The following ARHGEF10L variants were observed in gnomAD, a reference collection of about 807,000 sequenced individuals.
The protein encoded by ARHGEF10L is Rho guanine nucleotide exchange factor 10 like.
ARHGEF10L carries 69 observed loss-of-function variants against 141.2 expected under a neutral mutation model. The ratio of observed to expected loss-of-function variants is 0.49; its 90% CI spans 0.40 to 0.60. ARHGEF10L has a LOEUF of 0.60. Ranked by LOEUF, ARHGEF10L falls within the 20% of genes least tolerant of loss-of-function variation. ARHGEF10L has a pLI of 0.00. For synonymous variants in ARHGEF10L, 711 were observed against 718.5 expected, an observed-to-expected ratio of 0.99 and a Z score of 0.17; for missense variants, 1,482 against 1,734.3, an observed-to-expected ratio of 0.85 and a Z score of 2.58.
rs374037954 is a variant in ARHGEF10L at position 17,611,359 on chromosome 1, T to A, written c.610-1699T>A. On this transcript the variant is annotated intron_variant, in intron 7 of 28. Transcript: ENST00000361221. ...CTTCTTTGCATAACAATATTGAACA[T>A]TTGCCTAGAATGGTACACTTTACAA... Among the ~76,000 whole-genome samples the A allele has an allele frequency of 7.4e-4, 112 of 152,316 alleles. 2 individuals carry two copies. The South Asian group carries it at 0.022, about 30-fold the overall frequency.
At chr1:17,579,952 G>A (rs1422074701) in intron 1 of ARHGEF10L, among the ~76,000 whole-genome samples, 2 of 152,234 alleles carry the variant, frequency 1.3e-5, no homozygotes, top group African/African-American at 4.8e-5. Flanking sequence ...TTGGGATTCT[G>A]TCCCTGTCTT....
chr1:17,528,986 T>C, the ARHGEF10L span, among the ~76,000 whole-genome samples: 1 of 152,048 alleles, frequency 6.6e-6, no homozygotes, highest in African/African-American at 2.4e-5. Flanking sequence ...ATATAGATGA[T>C]GATGATTAAG....
intron 4 of ARHGEF10L, among the ~76,000 whole-genome samples, chr1:17,590,856 C>T (rs987956149): frequency 1.3e-5 from 2 of 152,076 alleles, no homozygotes; most frequent in African/African-American, 2.4e-5. Context: ...TCCTGGTGAA[C>T]GGTGCCTGTA....
In ARHGEF10L at chr1:17,607,299, A is replaced by C. The variant is rs2081266902; in HGVS notation, c.434-503A>C. ...AGACCAGCCTGGGCAACATAACAAG[A>C]CTCCGTCTCTACAAAAAATTAAAAA... On this transcript the variant is annotated intron_variant, in intron 6 of 28. Transcript: ENST00000361221. The surrounding 1 kb of genome is among the most constrained non-coding windows in gnomAD (Gnocchi z 4.5). Among the ~76,000 whole-genome samples, 1 of 151,822 alleles carries C rather than the reference A, an allele frequency of 6.6e-6. No homozygotes were observed. Among genetic ancestry groups the C allele is most frequent in the Non-Finnish European group, 1.5e-5 (1 of 67,956 alleles).
In ARHGEF10L at chr1:17,684,048, G is replaced by C. The variant is rs375723545; in HGVS notation, c.3010-3525G>C. On this transcript the variant is annotated intron_variant, in intron 26 of 28. Coordinates refer to ENST00000361221, the MANE Select transcript of ARHGEF10L (RefSeq NM_018125.4). ...CCGTGAGCAAGGAGCTGCGTGCTGT[G>C]TTTTGGAAAAGCCTGCAGACAAAGC... Among the ~76,000 whole-genome samples the C allele has an allele frequency of 2.0e-4, 30 of 152,350 alleles. 2 individuals are homozygous for C. In the East Asian group the frequency reaches 3.1e-3, roughly 16 times the overall value.
In ARHGEF10L at chr1:17,573,400, G is replaced by A. The variant is rs1471530967; in HGVS notation, c.-43-7153G>A. ...TCTCTGGCTTCCAGGTGGGAGCCAC[G>A]GTGCCCCATCACAGGGACACCCCTG... is the stretch of plus-strand genomic sequence containing the variant. On this transcript the variant is annotated intron_variant, in intron 1 of 28. Coordinates refer to ENST00000361221, the MANE Select transcript of ARHGEF10L (RefSeq NM_018125.4). This position sits in a 1 kb window ranked among gnomAD's most constrained non-coding sequence, Gnocchi z 4.8. Among the ~76,000 whole-genome samples, 3 of 152,188 alleles carry A rather than the reference G, an allele frequency of 2.0e-5. No individual in the cohort carries two copies. Among genetic ancestry groups the A allele is most frequent in the South Asian group, 2.1e-4 (1 of 4,832 alleles).
Position 17,613,134 on chromosome 1 carries a change from G to A in ARHGEF10L, c.686G>A (p.Gly229Glu), listed in dbSNP as rs143745706. The A allele has an allele frequency of 2.1e-3, 3,339 of 1,613,850 alleles. 8 individuals are homozygous for A. The highest frequency in any genetic ancestry group is 2.6e-3 in the Non-Finnish European group (3,043 of 1,179,894). The change falls in exon 8 of 29, where the codon GGG (glycine) becomes GAG (glutamate). Residue 229 changes from glycine (G) to glutamate (E), a missense_variant. Transcript: ENST00000361221. ...GACATCTTGGCTTTGAGAGTTGGGG[G>A]GAGAGACATGCAGGAGCTGAAGCAC... ...KRDILALRVG[G>E]RDMQELKHKY...
At chr1:17,675,255 C>T (rs72648451) in intron 26 of ARHGEF10L, among the ~76,000 whole-genome samples, 9,342 of 152,308 alleles carry the variant, frequency 0.061, 458 homozygotes, top group Non-Finnish European at 0.091. Context: ...GCAGTTCTCA[C>T]AGCCTATGTG....
At chr1:17,602,895 G>A (rs1005567519) in intron 5 of ARHGEF10L, among the ~76,000 whole-genome samples, 3 of 152,098 alleles carry the variant, frequency 2.0e-5, no homozygotes, top group East Asian at 1.9e-4. Flanking sequence ...GGAGGCTATC[G>A]TGGTCTTGTA....
In ARHGEF10L at chr1:17,580,637, C is replaced by A; in HGVS notation, c.37+5C>A. Reference sequence around the variant, plus strand: ...CTCCTCCACAGCCTGCCATAGGTACCGTACCCAGGGCTTCCTGTCCCTCTC... The same window carrying A: ...CTCCTCCACAGCCTGCCATAGGTACAGTACCCAGGGCTTCCTGTCCCTCTC... On this transcript the variant is annotated splice_donor_5th_base_variant and intron_variant, in intron 2 of 28. Transcript: ENST00000361221. 6.2e-7 allele frequency: 1 copy of A among 1,614,186 alleles called. No homozygotes were observed. Among genetic ancestry groups the A allele is most frequent in the African/African-American group, 1.3e-5 (1 of 75,044 alleles).
chr1:17,600,373 C>T (rs1441837270), intron 4 of ARHGEF10L, among the ~76,000 whole-genome samples: 2 of 152,206 alleles, frequency 1.3e-5, no homozygotes, highest in Admixed American at 1.3e-4. Flanking sequence ...CCTCTGCCCT[C>T]TAGGTTGGCA....
intron 4 of ARHGEF10L, among the ~76,000 whole-genome samples, chr1:17,598,773 C>CTT (rs113297592): frequency 6.2e-5 from 9 of 145,172 alleles, no homozygotes; most frequent in African/African-American, 2.0e-4. Flanking sequence ...CTCTCTCTCT[C>CTT]TTTTTTTTTT....
intron 1 of ARHGEF10L, among the ~76,000 whole-genome samples, chr1:17,574,049 G>T (rs150243225): frequency 3.3e-4 from 50 of 152,280 alleles, no homozygotes; most frequent in African/African-American, 1.2e-3. Flanking sequence ...GAGCTGGGGT[G>T]TGTGGTCCCT....
intron 26 of ARHGEF10L, among the ~76,000 whole-genome samples, chr1:17,672,798 A>G (rs2063405263): frequency 6.6e-6 from 1 of 151,878 alleles, no homozygotes; most frequent in Admixed American, 6.6e-5. Flanking sequence ...GAGGCATGGG[A>G]GGTAGGGGTG....
At chr1:17,520,418 T>G in the ARHGEF10L span, among the ~76,000 whole-genome samples, 1 of 152,222 alleles carries the variant, frequency 6.6e-6, no homozygotes, top group Admixed American at 6.5e-5. Context: ...TCACTTGTGC[T>G]CCCTTCCCGG....
At position 17,638,023 on chromosome 1, in the gene ARHGEF10L, C is replaced by A. The variant is rs2061113297; in HGVS notation, c.2043+20C>A. On this transcript the variant is annotated intron_variant, in intron 19 of 28. Coordinates refer to ENST00000361221, the MANE Select transcript of ARHGEF10L (RefSeq NM_018125.4). ...TACCAGGTACGTGGCCTGGCCTGACCTTTTTGGCCTGAGCTCCCCAGTGTG... is the reference window on the plus strand; with the variant it reads ...TACCAGGTACGTGGCCTGGCCTGACATTTTTGGCCTGAGCTCCCCAGTGTG... 6 of 1,557,784 alleles carry A rather than the reference C, an allele frequency of 3.9e-6. No homozygotes were observed. In the South Asian group the frequency reaches 5.9e-5, roughly 15 times the overall value.
intron 1 of ARHGEF10L, among the ~76,000 whole-genome samples, chr1:17,553,616 TA>T (rs1016892022): frequency 2.0e-5 from 3 of 151,278 alleles, no homozygotes; most frequent in African/African-American, 4.9e-5. Context: ...ACCCCATCTT[TA>T]AAAAAAAGCC....
At chr1:17,634,719 T>G in intron 17 of ARHGEF10L, 116 bp from the exon 18 acceptor site, 2 of 1,458,298 alleles carry the variant, frequency 1.4e-6, no homozygotes, top group Non-Finnish European at 1.8e-6. Flanking sequence ...TCTGAGGTCT[T>G]GCGCTGGGGC....
At chr1:17,680,787 C>A (rs1357554223) in intron 26 of ARHGEF10L, among the ~76,000 whole-genome samples, 51 of 136,386 alleles carry the variant, frequency 3.7e-4, no homozygotes, top group Non-Finnish European at 6.3e-4. Context: ...TCTCCCATAA[C>A]TTTTTTTTTT....
Sources: allele counts gnomAD v4.1 joint callset (sites outside exome capture counted in the v4.1 genomes callset), GRCh38; gene constraint gnomAD v4.1.1; non-coding constraint Gnocchi (gnomAD v3.1); transcripts MANE v1.5; gene names NCBI Gene and HGNC (gene_info 2026-07-23, HGNC 2026-07-21).